The following GLG1 variants were observed in gnomAD, a reference collection of about 807,000 sequenced individuals.
The protein encoded by GLG1 is golgi glycoprotein 1, also known as Golgi apparatus protein 1.
Under a neutral mutation model 160.5 loss-of-function variants are expected in GLG1, and 38 were observed. That is an observed-to-expected ratio of 0.24 (90% CI 0.18 to 0.31). The LOEUF is 0.31. GLG1 is among the 10% of genes least tolerant of loss of function. The pLI is 1.00. For missense variants in GLG1, 1,373 were observed against 1,505.2 expected (o/e 0.91, Z 1.45); for synonymous variants, 644 against 543.4 (o/e 1.19, Z -2.57).
rs1958122192 is a variant in GLG1, at chr16:74,589,304, A to AT, written c.438+17352dup. On this transcript the variant is annotated intron_variant, in intron 1 of 25. Coordinates refer to ENST00000422840, the MANE Select transcript of GLG1 (RefSeq NM_001145667.2). The stretch of plus-strand genomic sequence containing the variant: ...TGTTAAACCATATGAAAATGTTTTT[A>AT]TAAGTCAAATATGATGAAATATTGG... Among the ~76,000 whole-genome samples, 3 of 152,074 alleles carry AT rather than the reference A, an allele frequency of 2.0e-5. No homozygotes were observed. In the South Asian group the frequency reaches 6.2e-4, roughly 31 times the overall value.
chr16:74,488,321 T>C (rs1350904226), intron 8 of GLG1, among the ~76,000 whole-genome samples: 3 of 152,090 alleles, frequency 2.0e-5, no homozygotes, highest in Non-Finnish European at 4.4e-5. Flanking sequence ...ACGGGCAGAC[T>C]GCTTGAGCCC....
chr16:74,503,594 G>A lies in GLG1; in HGVS notation c.711C>T (p.Phe237=). Residue 237 remains phenylalanine, a synonymous_variant, in exon 4 of 26, where the codon TTC becomes TTT. Coordinates refer to ENST00000422840, the MANE Select transcript of GLG1 (RefSeq NM_001145667.2). The part of the protein sequence containing the change: ...IFSDYRLICG[F]MDDCKNDINI... ...TGATGTCATTTTTGCAGTCATCCATGAAGCCACAGATTAAACGGTAATCAC... is the reference window on the plus strand; with the variant it reads ...TGATGTCATTTTTGCAGTCATCCATAAAGCCACAGATTAAACGGTAATCAC... The A allele has an allele frequency of 6.2e-7, 1 of 1,613,902 alleles. No homozygotes were observed.
At chr16:74,476,620 T>G (rs1042706113) in intron 12 of GLG1, among the ~76,000 whole-genome samples, 2 of 152,316 alleles carry the variant, frequency 1.3e-5, no homozygotes, top group Non-Finnish European at 2.9e-5. Context: ...TGCATTCAGA[T>G]GGAAGACAGC....
intron 1 of GLG1, among the ~76,000 whole-genome samples, chr16:74,544,305 A>G (rs943551618): frequency 4.6e-5 from 7 of 151,160 alleles, no homozygotes; most frequent in East Asian, 1.9e-4. Flanking sequence ...ATTATTTAAC[A>G]TGTTTTTGTT....
At chr16:74,499,071 T>C (rs1045583362) in intron 4 of GLG1, among the ~76,000 whole-genome samples, 2 of 152,092 alleles carry the variant, frequency 1.3e-5, no homozygotes, top group African/African-American at 4.8e-5. Flanking sequence ...AGCTCTGATA[T>C]CTACTGCGGA....
intron 4 of GLG1, among the ~76,000 whole-genome samples, chr16:74,499,336 G>A (rs2016324895): frequency 6.6e-6 from 1 of 152,268 alleles, no homozygotes; most frequent in African/African-American, 2.4e-5. Context: ...AAGCTCCTGG[G>A]CTCAAGTGAT....
In GLG1 at chr16:74,599,863, C is replaced by CA. The variant is rs1243815107; in HGVS notation, c.438+6793dup. ...TGGGTGACAGAGCTAGACTCTGTCT[C>CA]AAAAAAAAAACAAAAAAAAAATTAG... On this transcript the variant is annotated intron_variant, in intron 1 of 25. Transcript: ENST00000422840. Among the ~76,000 whole-genome samples, 117 of 110,618 alleles carry CA rather than the reference C, an allele frequency of 1.1e-3. 1 individual carries two copies. The highest frequency in any genetic ancestry group is 5.8e-3 in the Middle Eastern group (1 of 172). 72.6% of individuals were successfully genotyped at this position (110,618 alleles called of 152,430 possible).
intron 1 of GLG1, among the ~76,000 whole-genome samples, chr16:74,538,293 A>C (rs2017740400): frequency 6.6e-6 from 1 of 151,382 alleles, no homozygotes; most frequent in African/African-American, 2.4e-5. Context: ...CTGCAGTATT[A>C]AGTCAAGTCT....
chr16:74,584,691 G>A (rs1475526034), intron 1 of GLG1, among the ~76,000 whole-genome samples: 3 of 152,044 alleles, frequency 2.0e-5, no homozygotes, highest in Non-Finnish European at 4.4e-5. Context: ...GGCTGAGGCG[G>A]GTGGTCACAA....
chr16:74,504,151 T>C (rs1046965260), intron 3 of GLG1, among the ~76,000 whole-genome samples: 4 of 152,076 alleles, frequency 2.6e-5, no homozygotes, highest in Non-Finnish European at 1.5e-5. Flanking sequence ...GGGAGGAAGA[T>C]TTGACAAACA....
intron 1 of GLG1, among the ~76,000 whole-genome samples, chr16:74,595,882 G>T (rs1757870111): frequency 6.6e-6 from 1 of 152,158 alleles, no homozygotes; most frequent in African/African-American, 2.4e-5. Flanking sequence ...CCAGCACTTT[G>T]GGAGGCCAAG....
intron 7 of GLG1, among the ~76,000 whole-genome samples, chr16:74,491,538 T>C (rs774089387): frequency 3.9e-5 from 6 of 152,138 alleles, no homozygotes; most frequent in South Asian, 2.1e-4. Flanking sequence ...ACAATCTCCA[T>C]TGGCCTACAC....
chr16:74,501,894 T>C (rs1388514622), intron 4 of GLG1, among the ~76,000 whole-genome samples: 3 of 152,228 alleles, frequency 2.0e-5, no homozygotes, highest in Non-Finnish European at 2.9e-5. Context: ...GCCTGAAAGA[T>C]TTATGCCAAG....
chr16:74,458,284 A>G (rs145250861), intron 23 of GLG1: 101 of 274,564 alleles, frequency 3.7e-4, no homozygotes, highest in African/African-American at 2.0e-3. Flanking sequence ...ATGTCGTATC[A>G]TTTTAAAATA....
chr16:74,607,089 C>G lies in GLG1; in HGVS notation c.6G>C (p.Ala2=), dbSNP rs757438234. M[A]ACGRVRRMFR... Reference sequence around the variant, plus strand: ...ACATCCTCCGTACACGTCCACACGCCGCCATCTTGAGTCCGCGGCGAGCTC... The same window carrying G: ...ACATCCTCCGTACACGTCCACACGCGGCCATCTTGAGTCCGCGGCGAGCTC... The change falls in exon 1 of 26, where the codon GCG becomes GCC. Residue 2 remains alanine (A), a synonymous_variant. Coordinates refer to ENST00000422840, the MANE Select transcript of GLG1 (RefSeq NM_001145667.2). 6.5e-7 allele frequency: 1 copy of G among 1,541,074 alleles called. No individual in the cohort carries two copies. The highest frequency in any genetic ancestry group is 8.8e-7 in the Non-Finnish European group (1 of 1,142,578).
chr16:74,569,077 G>C (rs1229996321), intron 1 of GLG1, among the ~76,000 whole-genome samples: 3 of 152,194 alleles, frequency 2.0e-5, no homozygotes, highest in East Asian at 3.9e-4. Context: ...GCCTGCCCAA[G>C]GTAGGAAATC....
chr16:74,483,824 A>AT (rs1021273922), intron 9 of GLG1, among the ~76,000 whole-genome samples: 12 of 151,404 alleles, frequency 7.9e-5, no homozygotes, highest in Admixed American at 7.9e-4. Flanking sequence ...CGCCCGGCTA[A>AT]TTTTTTTTGT....
At chr16:74,550,371 T>C (rs2018165554) in intron 1 of GLG1, among the ~76,000 whole-genome samples, 1 of 152,032 alleles carries the variant, frequency 6.6e-6, no homozygotes, top group East Asian at 1.9e-4. Context: ...TAATATATCC[T>C]GGTCAATATG....
chr16:74,466,904 A>G (rs746315773), intron 18 of GLG1, among the ~76,000 whole-genome samples: 2 of 152,224 alleles, frequency 1.3e-5, no homozygotes, highest in African/African-American at 2.4e-5. Flanking sequence ...AGATGCTCCA[A>G]TTGCCTAACA....
Sources: gnomAD v4.1 joint callset for allele counts (sites outside exome capture counted in the v4.1 genomes callset) on GRCh38, gnomAD v4.1.1 for gene constraint, MANE v1.5 for transcripts, NCBI Gene and HGNC (gene_info 2026-07-23, HGNC 2026-07-21) for gene names.